The following ATP7A variants were observed in gnomAD, a reference collection of about 807,000 sequenced individuals.
The protein encoded by ATP7A is copper-transporting ATPase 1.
ATP7A carries 7 observed loss-of-function variants against 83.5 expected under a neutral mutation model. The observed-to-expected ratio is 0.08, with a 90% CI of 0.05 to 0.16. ATP7A has a LOEUF of 0.16. Among genes scored for constraint, ATP7A ranks in the 10% least tolerant of loss-of-function variants. ATP7A has a pLI of 1.00. For missense variants in ATP7A, 940 were observed against 1,120.8 expected (o/e 0.84, Z 2.30); for synonymous variants, 354 against 395.2 (o/e 0.90, Z 1.24).
At chrX:77,994,680 T>C (rs370083407) in intron 4 of ATP7A, among the ~76,000 whole-genome samples, 79 of 110,737 alleles carry the variant, frequency 7.1e-4, no homozygotes, top group African/African-American at 1.5e-3. Context: ...GCTGGGACTA[T>C]AGGCGTGTAC....
chrX:78,041,853 C>CA (rs1401459023), intron 19 of ATP7A, among the ~76,000 whole-genome samples: 4 of 110,653 alleles, frequency 3.6e-5, no homozygotes, highest in Non-Finnish European at 7.6e-5. Context: ...TTTGTTGGCT[C>CA]ACGCCTGTAA....
intron 1 of ATP7A, among the ~76,000 whole-genome samples, chrX:77,935,489 A>G: frequency 8.9e-6 from 1 of 112,047 alleles, no homozygotes; most frequent in Middle Eastern, 4.2e-3. Context: ...TGATGAAGTG[A>G]TATGTGCAAG....
intron 1 of ATP7A, among the ~76,000 whole-genome samples, chrX:77,928,695 C>T (rs1354473116): frequency 8.9e-6 from 1 of 112,100 alleles, no homozygotes; most frequent in African/African-American, 3.2e-5. Flanking sequence ...ACCTTTGAAC[C>T]TAGCCATCAT....
intron 1 of ATP7A, among the ~76,000 whole-genome samples, chrX:77,971,120 C>T (rs2077544128): frequency 8.9e-6 from 1 of 111,799 alleles, no homozygotes. Context: ...GTCATCCTTG[C>T]ATGCGTAACA....
chrX:77,991,665 A>T (rs1437144019), intron 4 of ATP7A, among the ~76,000 whole-genome samples: 2 of 111,268 alleles, frequency 1.8e-5, no homozygotes, highest in Non-Finnish European at 3.8e-5. Context: ...TAGCTGTTCC[A>T]TTTTACATTA....
intron 1 of ATP7A, among the ~76,000 whole-genome samples, chrX:77,936,657 T>G (rs1315340896): frequency 8.9e-6 from 1 of 112,266 alleles, no homozygotes; most frequent in East Asian, 2.8e-4. Flanking sequence ...AGAAAGACTT[T>G]GAAAGAAATG....
chrX:78,043,516 T>C (rs954039021), intron 21 of ATP7A, 82 bp downstream of exon 21: 1 of 784,191 alleles, frequency 1.3e-6, no homozygotes, highest in African/African-American at 2.0e-5. Flanking sequence ...TTCTTACTAT[T>C]AGTTTTGAGC....
At chrX:77,958,011 G>C (rs1557227606) in intron 1 of ATP7A, among the ~76,000 whole-genome samples, 1 of 111,256 alleles carries the variant, frequency 9.0e-6, no homozygotes, top group African/African-American at 3.3e-5. Context: ...GATCCTTCAT[G>C]ACGGGTTTGG....
chrX:78,046,620 A>C lies in ATP7A; in HGVS notation c.*50A>C. The C allele has an allele frequency of 8.5e-7, 1 of 1,179,533 alleles. No individual in the cohort carries two copies. Among genetic ancestry groups the C allele is most frequent in the South Asian group, 1.8e-5 (1 of 56,138 alleles). ...TTAACTTGTCATGCACTGACACAGC[A>C]TTCATGATGTTACCTTCACTTTTCA... On this transcript the variant is annotated 3_prime_UTR_variant, in exon 23 of 23. Coordinates refer to ENST00000341514, the MANE Select transcript of ATP7A (RefSeq NM_000052.7).
At chrX:77,941,202 G>T (rs1557225603) in intron 1 of ATP7A, among the ~76,000 whole-genome samples, 1 of 110,936 alleles carries the variant, frequency 9.0e-6, no homozygotes, top group Admixed American at 9.7e-5. Flanking sequence ...TATATACAAG[G>T]ATATTCATTG....
At chrX:77,937,646 A>C (rs2077327160) in intron 1 of ATP7A, among the ~76,000 whole-genome samples, 1 of 111,910 alleles carries the variant, frequency 8.9e-6, no homozygotes, top group Admixed American at 9.6e-5. Flanking sequence ...ATAACAGATT[A>C]ATCTTAAAAT....
chrX:77,961,399 A>G (rs1326580051), intron 1 of ATP7A, among the ~76,000 whole-genome samples: 1 of 111,892 alleles, frequency 8.9e-6, no homozygotes, highest in African/African-American at 3.2e-5. Flanking sequence ...GCCTTCACCT[A>G]CCAAAGGTAT....
At chrX:77,960,697 C>G (rs782653324) in intron 1 of ATP7A, among the ~76,000 whole-genome samples, 5 of 111,657 alleles carry the variant, frequency 4.5e-5, no homozygotes, top group Non-Finnish European at 9.4e-5. Context: ...ATTACCATCT[C>G]TACTTAGGGA....
intron 1 of ATP7A, among the ~76,000 whole-genome samples, chrX:77,920,416 A>G: frequency 9.1e-6 from 1 of 109,491 alleles, no homozygotes; most frequent in Non-Finnish European, 1.9e-5. Context: ...ACTGGGTTTC[A>G]ACATGTTAGC....
chrX:77,977,954 CAG>C (rs782243347), intron 2 of ATP7A, among the ~76,000 whole-genome samples: 2 of 111,434 alleles, frequency 1.8e-5, no homozygotes, highest in Non-Finnish European at 3.8e-5. Flanking sequence ...GTTCTGGGGC[CAG>C]AGAGAGATTT....
chrX:77,950,298 T>G (rs1335268220), intron 1 of ATP7A, among the ~76,000 whole-genome samples: 1 of 112,121 alleles, frequency 8.9e-6, no homozygotes, highest in Non-Finnish European at 1.9e-5. Context: ...ACACACATGC[T>G]TTGGCTTTAA....
rs782388595 is a variant in ATP7A, at chrX:78,020,475, C to T, written c.2781+77C>T. On this transcript the variant is annotated intron_variant, in intron 13 of 22. Transcript: ENST00000341514. ...AGTATAAATCTTCACCTAGTTTTTACGTTTTCCAATAAAAATTTTAGTTGC... is the reference window on the plus strand; with the variant it reads ...AGTATAAATCTTCACCTAGTTTTTATGTTTTCCAATAAAAATTTTAGTTGC... 4.6e-5 allele frequency: 52 copies of T among 1,122,302 alleles called. 1 individual carries two copies. Among genetic ancestry groups the T allele is most frequent in the South Asian group, 2.0e-4 (11 of 53,923 alleles). The allele number at this position is 1,122,302 out of a possible 1,213,427, so 92.5% of individuals were successfully genotyped here.
chrX:77,956,690 C>G (rs2077442403), intron 1 of ATP7A, among the ~76,000 whole-genome samples: 2 of 109,969 alleles, frequency 1.8e-5, no homozygotes, highest in Non-Finnish European at 3.8e-5. Flanking sequence ...AACTGTGAGT[C>G]AATTAAACCT....
At chrX:78,030,211 G>A (rs2077973958) in intron 15 of ATP7A, among the ~76,000 whole-genome samples, 1 of 112,033 alleles carries the variant, frequency 8.9e-6, no homozygotes, top group African/African-American at 3.2e-5. Flanking sequence ...GGACCACGAG[G>A]TCAGGAGTTT....
Sources: gnomAD v4.1 joint callset for allele counts (sites outside exome capture counted in the v4.1 genomes callset) on GRCh38, gnomAD v4.1.1 for gene constraint, MANE v1.5 for transcripts, NCBI Gene and HGNC (gene_info 2026-07-23, HGNC 2026-07-21) for gene names.